Variants in NEBL observed in about 807,000 individuals in gnomAD.
The protein encoded by NEBL is nebulette, also known as LIM and SH3 protein 2.
Under a neutral mutation model 140.2 loss-of-function variants are expected in NEBL, and 122 were observed. That is an observed-to-expected ratio of 0.87 (90% CI 0.75 to 1.01). The LOEUF is 1.01. NEBL is among the 50% of genes least tolerant of loss of function. NEBL has a pLI of 0.00. For synonymous variants in NEBL, 436 were observed against 398.9 expected, an observed-to-expected ratio of 1.09 and a Z score of -1.11; for missense variants, 1,365 against 1,231.3, an observed-to-expected ratio of 1.11 and a Z score of -1.62.
At chr10:21,111,334 C>A (rs1377814547) in intron 2 of NEBL, among the ~76,000 whole-genome samples, 2 of 152,160 alleles carry the variant, frequency 1.3e-5, no homozygotes, top group Non-Finnish European at 2.9e-5. Flanking sequence ...TGCTACCTGA[C>A]TTCAAACTAT....
intron 1 of NEBL, among the ~76,000 whole-genome samples, chr10:21,272,170 T>C (rs1442722598): frequency 6.9e-6 from 1 of 145,022 alleles, no homozygotes; most frequent in South Asian, 2.2e-4. Flanking sequence ...TTTCACCATG[T>C]TAGCCAGGAT....
intron 3 of NEBL, among the ~76,000 whole-genome samples, chr10:21,201,393 A>T (rs775413597): frequency 6.6e-6 from 1 of 152,236 alleles, no homozygotes; most frequent in Non-Finnish European, 1.5e-5. Flanking sequence ...TAACATAAAA[A>T]GAATCTTTCC....
At chr10:21,222,037 G>T (rs911119514) in intron 3 of NEBL, among the ~76,000 whole-genome samples, 8 of 151,622 alleles carry the variant, frequency 5.3e-5, no homozygotes, top group Admixed American at 1.3e-4. Flanking sequence ...GCCTGTCATT[G>T]GGCTGCAGTG....
At chr10:21,184,110 G>A (rs1434298637) in intron 3 of NEBL, among the ~76,000 whole-genome samples, 2 of 152,106 alleles carry the variant, frequency 1.3e-5, no homozygotes, top group African/African-American at 4.8e-5. Flanking sequence ...CTAATACACA[G>A]GCCAAGCTTT....
At chr10:20,892,572 C>T (rs999730149) in intron 2 of NEBL, among the ~76,000 whole-genome samples, 3 of 152,290 alleles carry the variant, frequency 2.0e-5, no homozygotes, top group African/African-American at 7.2e-5. Flanking sequence ...CTACCGAATA[C>T]ACAACCCAAC....
At position 20,999,156 on chromosome 10, in the gene NEBL, TG is replaced by T. The variant is rs374183778; in HGVS notation, c.249+20960del. On this transcript the variant is annotated intron_variant, in intron 3 of 6. Coordinates refer to the NEBL transcript ENST00000417816. ...AACTGTACAGAAACCCAGAGGTGTG[TG>T]GGGGGAAAAAAAAAAAAAAAGGCTG... is the stretch of plus-strand genomic sequence containing the variant. Among the ~76,000 whole-genome samples the T allele has an allele frequency of 6.4e-4, 82 of 128,322 alleles. 2 individuals are homozygous for T. Among genetic ancestry groups the T allele is most frequent in the Middle Eastern group, 3.8e-3 (1 of 266 alleles). The allele number at this position is 128,322 out of a possible 152,430, so 84.2% of individuals were successfully genotyped here.
At chr10:20,933,604 C>T (rs1488948502) in intron 4 of NEBL, among the ~76,000 whole-genome samples, 5 of 152,096 alleles carry the variant, frequency 3.3e-5, no homozygotes, top group Non-Finnish European at 5.9e-5. Context: ...TGTGGTGGCA[C>T]GTGCCTGTAA....
chr10:21,180,537 TAGACACA>T (rs1841370313), intron 3 of NEBL, among the ~76,000 whole-genome samples: 1 of 152,196 alleles, frequency 6.6e-6, no homozygotes, highest in South Asian at 2.1e-4. Context: ...TTTGCACAGG[TAGACACA>T]AGCATTCTAG....
intron 4 of NEBL, among the ~76,000 whole-genome samples, chr10:20,946,213 C>G (rs565326823): frequency 1.1e-4 from 16 of 152,138 alleles, no homozygotes; most frequent in Non-Finnish European, 2.2e-4. Flanking sequence ...AGGAGCCCAT[C>G]GTGTTTCCTC....
intron 3 of NEBL, among the ~76,000 whole-genome samples, chr10:20,986,961 G>A (rs1027868286): frequency 6.6e-5 from 10 of 152,056 alleles, no homozygotes; most frequent in Non-Finnish European, 1.5e-4. Context: ...AAATGTTATC[G>A]ACTTACTATC....
intron 1 of NEBL, among the ~76,000 whole-genome samples, chr10:21,289,191 G>A (rs976423730): frequency 9.9e-5 from 15 of 151,828 alleles, no homozygotes; most frequent in Non-Finnish European, 2.2e-4. Context: ...CTTAAGCCCG[G>A]TTGTTCCCAA....
intron 4 of NEBL, among the ~76,000 whole-genome samples, chr10:20,951,932 A>T (rs1251902020): frequency 2.6e-5 from 4 of 152,128 alleles, no homozygotes; most frequent in Non-Finnish European, 5.9e-5. Context: ...TGTCCTGGAA[A>T]TTTTTTTTCT....
chr10:20,889,528 T>C, intron 3 of NEBL, among the ~76,000 whole-genome samples: 1 of 152,196 alleles, frequency 6.6e-6, no homozygotes, highest in East Asian at 1.9e-4. Context: ...ATGGAACTTC[T>C]AAAGTGAACT....
chr10:21,214,050 C>G (rs936325624), intron 3 of NEBL, among the ~76,000 whole-genome samples: 1 of 151,884 alleles, frequency 6.6e-6, no homozygotes, highest in Admixed American at 6.6e-5. Context: ...GATGATAATA[C>G]AGACAGATAA....
At chr10:21,213,047 C>T (rs73609236) in intron 3 of NEBL, among the ~76,000 whole-genome samples, 5,237 of 152,108 alleles carry the variant, frequency 0.034, 292 homozygotes, top group African/African-American at 0.12. Flanking sequence ...GGAGTGCTCA[C>T]CATGTGCCAG....
At chr10:21,201,000 G>C (rs570295158) in intron 3 of NEBL, among the ~76,000 whole-genome samples, 1 of 151,876 alleles carries the variant, frequency 6.6e-6, no homozygotes, top group Non-Finnish European at 1.5e-5. Context: ...AGGATTGCTT[G>C]AGCCCAGGAG....
At chr10:20,943,646 A>G (rs1252296512) in intron 4 of NEBL, among the ~76,000 whole-genome samples, 1 of 152,192 alleles carries the variant, frequency 6.6e-6, no homozygotes, top group Non-Finnish European at 1.5e-5. Flanking sequence ...CATATAGCAT[A>G]GGAAGTTATT....
chr10:20,850,726 T>C (rs1188056361), intron 10 of NEBL, among the ~76,000 whole-genome samples: 1 of 152,182 alleles, frequency 6.6e-6, no homozygotes, highest in Non-Finnish European at 1.5e-5. Context: ...AACAACTAAC[T>C]AATGTAGTTC....
intron 2 of NEBL, chr10:21,170,417 G>A (rs1841020915): frequency 2.6e-5 from 4 of 152,224 alleles, no homozygotes; most frequent in Admixed American, 2.6e-4. Flanking sequence ...AGGAAGAATG[G>A]TTCACTTTCC....
Sources: allele counts gnomAD v4.1 joint callset (sites outside exome capture counted in the v4.1 genomes callset), GRCh38; gene constraint gnomAD v4.1.1; transcripts MANE v1.5; gene names NCBI Gene and HGNC (gene_info 2026-07-23, HGNC 2026-07-21).